The following MYO16 variants were observed in gnomAD, a reference collection of about 807,000 sequenced individuals.
MYO16 encodes the protein myosin XVI.
A neutral mutation model predicts 205.3 loss-of-function variants in MYO16; 94 were observed. The ratio of observed to expected loss-of-function variants is 0.46; its 90% CI spans 0.39 to 0.54. The LOEUF is 0.54. MYO16 is among the 20% of genes least tolerant of loss of function. The pLI, the probability that MYO16 is intolerant of heterozygous loss-of-function variation, is 0.00. For synonymous variants in MYO16, 988 were observed against 954.0 expected (o/e 1.04, Z -0.66); for missense variants, 2,315 against 2,387.5 (o/e 0.97, Z 0.63).
At chr13:108,749,923 T>C (rs1885177853) in intron 4 of MYO16, among the ~76,000 whole-genome samples, 3 of 152,142 alleles carry the variant, frequency 2.0e-5, no homozygotes, top group South Asian at 2.1e-4. Context: ...GGATCATCCA[T>C]GTAATGGAAC....
intron 22 of MYO16, among the ~76,000 whole-genome samples, chr13:109,009,440 A>G (rs997964077): frequency 1.3e-5 from 2 of 152,194 alleles, no homozygotes; most frequent in Admixed American, 1.3e-4. Flanking sequence ...AAAGTTTCTA[A>G]GATTTAAATT....
At chr13:108,866,909 C>T (rs990906649) in intron 12 of MYO16, among the ~76,000 whole-genome samples, 3 of 151,916 alleles carry the variant, frequency 2.0e-5, no homozygotes, top group African/African-American at 4.8e-5. Context: ...TAAGATGTGG[C>T]GGGCAGGGAG....
intron 27 of MYO16, among the ~76,000 whole-genome samples, chr13:109,088,746 C>T (rs1888524277): frequency 6.6e-6 from 1 of 152,210 alleles, no homozygotes; most frequent in Non-Finnish European, 1.5e-5. Flanking sequence ...TGCCCTTCCG[C>T]ATCGCGCGAG....
intron 1 of MYO16, among the ~76,000 whole-genome samples, chr13:108,652,175 G>A (rs561857556): frequency 6.5e-4 from 99 of 151,632 alleles, no homozygotes; most frequent in Middle Eastern, 3.4e-3. Flanking sequence ...GCATGTGTGC[G>A]CGTGTGTGTG....
chr13:108,890,448 A>G (rs542332580), intron 14 of MYO16, among the ~76,000 whole-genome samples: 77 of 152,202 alleles, frequency 5.1e-4, no homozygotes, highest in Non-Finnish European at 9.6e-4. Flanking sequence ...GCCGTGGTTG[A>G]TAGCTCTGCT....
At chr13:108,539,710 T>C in the MYO16 span, among the ~76,000 whole-genome samples, 3 of 152,074 alleles carry the variant, frequency 2.0e-5, no homozygotes, top group Non-Finnish European at 4.4e-5. Context: ...CCATTGAAGA[T>C]CCATGGAGCT....
At chr13:108,604,288 A>AG (rs1878872507) in intron 1 of MYO16, among the ~76,000 whole-genome samples, 1 of 152,118 alleles carries the variant, frequency 6.6e-6, no homozygotes, top group African/African-American at 2.4e-5. Flanking sequence ...TAACCTAATG[A>AG]GGCATACTAG....
intron 27 of MYO16, among the ~76,000 whole-genome samples, chr13:109,099,515 C>T (rs1436525813): frequency 6.6e-6 from 1 of 152,168 alleles, no homozygotes; most frequent in Non-Finnish European, 1.5e-5. Flanking sequence ...TAATCCCATT[C>T]ATGAAAGCTC....
intron 27 of MYO16, among the ~76,000 whole-genome samples, chr13:109,087,473 C>T: frequency 6.6e-6 from 1 of 152,196 alleles, no homozygotes; most frequent in East Asian, 1.9e-4. Context: ...TGATGAAACC[C>T]TGTCTCTACT....
chr13:108,850,106 C>A (rs1015271624), intron 10 of MYO16, among the ~76,000 whole-genome samples: 1 of 150,540 alleles, frequency 6.6e-6, no homozygotes, highest in African/African-American at 2.5e-5. Context: ...TCCTCCAAAT[C>A]CTGTTGAATT....
the MYO16 span, among the ~76,000 whole-genome samples, chr13:108,540,038 G>T: frequency 6.6e-6 from 1 of 152,096 alleles, no homozygotes; most frequent in African/African-American, 2.4e-5. Context: ...AAGTAATAAT[G>T]TAATGGGAGA....
chr13:108,829,120 T>C (rs1478536861), intron 9 of MYO16, among the ~76,000 whole-genome samples: 4 of 152,150 alleles, frequency 2.6e-5, no homozygotes, highest in Non-Finnish European at 5.9e-5. Context: ...ATGGGGGCAG[T>C]CTTGATGAGG....
intron 12 of MYO16, among the ~76,000 whole-genome samples, 197 bp from the exon 13 acceptor site, chr13:108,882,862 C>T (rs1161879589): frequency 6.6e-6 from 1 of 152,146 alleles, no homozygotes; most frequent in East Asian, 1.9e-4. Context: ...AAGTATAAGC[C>T]TCCATTTTGT....
intron 16 of MYO16, among the ~76,000 whole-genome samples, chr13:108,927,713 C>T (rs932569182): frequency 3.9e-5 from 6 of 152,232 alleles, no homozygotes; most frequent in African/African-American, 1.2e-4. Flanking sequence ...TCTGTCCTTG[C>T]GCATGCCCTG....
At chr13:108,912,606 C>T (rs552696754) in intron 16 of MYO16, among the ~76,000 whole-genome samples, 78 of 152,152 alleles carry the variant, frequency 5.1e-4, no homozygotes, top group African/African-American at 1.7e-3. Context: ...ATTGACAAAA[C>T]CCACCACCTG....
At chr13:108,699,508 G>A (rs1883219695) in intron 2 of MYO16, among the ~76,000 whole-genome samples, 1 of 152,146 alleles carries the variant, frequency 6.6e-6, no homozygotes, top group African/African-American at 2.4e-5. Context: ...GAGAAAATAA[G>A]AAGGGAAGCA....
chr13:109,033,472 T>C (rs1436281070), intron 23 of MYO16, among the ~76,000 whole-genome samples: 1 of 152,202 alleles, frequency 6.6e-6, no homozygotes, highest in Non-Finnish European at 1.5e-5. Context: ...CTGTGCAGCA[T>C]CTATCCCTGT....
intron 7 of MYO16, among the ~76,000 whole-genome samples, chr13:108,814,572 G>T (rs966719534): frequency 6.6e-6 from 1 of 151,994 alleles, no homozygotes; most frequent in African/African-American, 2.4e-5. Flanking sequence ...TTATCTTTCA[G>T]ATTTAAAGAT....
intron 27 of MYO16, among the ~76,000 whole-genome samples, chr13:109,098,392 C>T (rs1888844463): frequency 6.6e-6 from 1 of 152,134 alleles, no homozygotes; most frequent in Admixed American, 6.6e-5. Context: ...CTGCATCCCG[C>T]CACTTGCAGA....
Sources: allele counts gnomAD v4.1 joint callset (sites outside exome capture counted in the v4.1 genomes callset), GRCh38; gene constraint gnomAD v4.1.1; transcripts MANE v1.5; gene names NCBI Gene and HGNC (gene_info 2026-07-23, HGNC 2026-07-21).